The following HECW1 variants were observed in gnomAD, a reference collection of about 807,000 sequenced individuals.
The protein encoded by HECW1 is HECT, C2 and WW domain containing E3 ubiquitin protein ligase 1.
A neutral mutation model predicts 182.3 loss-of-function variants in HECW1; 61 were observed. The ratio of observed to expected loss-of-function variants is 0.33; its 90% CI spans 0.27 to 0.41. The LOEUF (loss-of-function observed/expected upper bound fraction) is 0.41, where lower values mean the gene tolerates loss of function less well. Ranked by LOEUF, HECW1 falls within the 10% of genes least tolerant of loss-of-function variation. The pLI, the probability that HECW1 is intolerant of heterozygous loss-of-function variation, is 1.00. For missense variants in HECW1, 1,739 were observed against 2,108.9 expected (o/e 0.82, Z 3.44); for synonymous variants, 859 against 832.6 (o/e 1.03, Z -0.55).
At chr7:43,226,114 A>AT (rs1451976335) in intron 2 of HECW1, among the ~76,000 whole-genome samples, 2 of 152,146 alleles carry the variant, frequency 1.3e-5, no homozygotes, top group Non-Finnish European at 2.9e-5. Context: ...TTATTTTTAG[A>AT]TGCCTACATG....
chr7:43,225,089 G>T (rs1327602595), intron 2 of HECW1, among the ~76,000 whole-genome samples: 6 of 152,300 alleles, frequency 3.9e-5, no homozygotes, highest in Non-Finnish European at 8.8e-5. Context: ...GATGACAGGT[G>T]ACACATTGGA....
chr7:43,484,609 A>G (rs560737043), intron 17 of HECW1: 8 of 152,330 alleles, frequency 5.3e-5, no homozygotes, highest in Admixed American at 2.6e-4. Flanking sequence ...ATGGGTTTCT[A>G]TATTAAGGAT....
At chr7:43,145,335 G>T (rs1788589004) in intron 2 of HECW1, among the ~76,000 whole-genome samples, 1 of 152,102 alleles carries the variant, frequency 6.6e-6, no homozygotes, top group African/African-American at 2.4e-5. Context: ...TCGCTGTCTT[G>T]CCCAGGCTGG....
intron 21 of HECW1, among the ~76,000 whole-genome samples, chr7:43,505,631 C>T (rs773754125): frequency 1.1e-4 from 16 of 152,300 alleles, no homozygotes; most frequent in East Asian, 3.9e-4. Flanking sequence ...CTTTCCATTC[C>T]GCCACAGGAC....
rs539467866 is a variant in HECW1 at position 43,454,479 on chromosome 7, C to T, written c.2501-1818C>T. On this transcript the variant is annotated intron_variant, in intron 12 of 29. Coordinates refer to ENST00000395891, the MANE Select transcript of HECW1 (RefSeq NM_015052.5). ...TACAATTTCATCCATGAGCTAATTA[C>T]CATTTACACTTAACACTTGACAGCT... 7.2e-5 allele frequency among the ~76,000 whole-genome samples: 11 copies of T among 152,260 alleles called. No homozygotes were observed. The South Asian group carries it at 2.3e-3, about 32-fold the overall frequency.
intron 5 of HECW1, among the ~76,000 whole-genome samples, chr7:43,351,678 C>CTTTTTTTTTTTTTTTTTTT (rs200929407): frequency 4.1e-5 from 5 of 120,562 alleles, no homozygotes; most frequent in African/African-American, 6.2e-5. Flanking sequence ...TTTCTTTCTT[C>CTTTTTTTTTTTTTTTTTTT]TTTTTTTTTT....
At chr7:43,373,297 C>T (rs2074191287) in intron 6 of HECW1, among the ~76,000 whole-genome samples, 1 of 150,744 alleles carries the variant, frequency 6.6e-6, no homozygotes, top group African/African-American at 2.4e-5. Flanking sequence ...GCAACCTCTG[C>T]CTCTTAGATT....
At chr7:43,340,475 C>G (rs1286130010) in intron 5 of HECW1, among the ~76,000 whole-genome samples, 1 of 151,328 alleles carries the variant, frequency 6.6e-6, no homozygotes, top group Non-Finnish European at 1.5e-5. Flanking sequence ...CCCACCTCAG[C>G]CTTCCAAAGT....
intron 3 of HECW1, among the ~76,000 whole-genome samples, chr7:43,293,984 T>C (rs1416490824): frequency 1.3e-5 from 2 of 152,116 alleles, no homozygotes; most frequent in South Asian, 2.1e-4. Context: ...TATGAGAACA[T>C]AAGTAATGCC....
At chr7:43,383,987 T>A (rs2074668736) in intron 6 of HECW1, among the ~76,000 whole-genome samples, 1 of 152,244 alleles carries the variant, frequency 6.6e-6, no homozygotes, top group African/African-American at 2.4e-5. Context: ...TTCATCCTTG[T>A]CATTACATTG....
At chr7:43,341,177 G>T (rs1296209234) in intron 5 of HECW1, among the ~76,000 whole-genome samples, 3 of 151,538 alleles carry the variant, frequency 2.0e-5, no homozygotes, top group African/African-American at 7.3e-5. Context: ...GGGGGCAGGG[G>T]GAGGGATAGC....
chr7:43,540,374 C>T (rs2081321552), intron 24 of HECW1, among the ~76,000 whole-genome samples: 1 of 152,184 alleles, frequency 6.6e-6, no homozygotes, highest in South Asian at 2.1e-4. Flanking sequence ...GTGGGGAAAG[C>T]ATAGGATGCT....
intron 2 of HECW1, among the ~76,000 whole-genome samples, chr7:43,139,920 GT>G (rs778754553): frequency 6.6e-6 from 1 of 152,178 alleles, no homozygotes; most frequent in Non-Finnish European, 1.5e-5. Flanking sequence ...TCAGTTTTCT[GT>G]TCTGTGAAAT....
At chr7:43,242,927 C>T (rs1476476648) in intron 2 of HECW1, among the ~76,000 whole-genome samples, 1 of 152,084 alleles carries the variant, frequency 6.6e-6, no homozygotes, top group East Asian at 1.9e-4. Context: ...ATGTTGAATT[C>T]TCTCCGTCTT....
intron 3 of HECW1, among the ~76,000 whole-genome samples, chr7:43,279,592 G>C (rs1803634128): frequency 6.6e-6 from 1 of 152,018 alleles, no homozygotes; most frequent in East Asian, 1.9e-4. Flanking sequence ...CTTTGCACAG[G>C]CTATGCGTCT....
chr7:43,483,837 C>G (rs1338155843), intron 17 of HECW1, among the ~76,000 whole-genome samples: 1 of 152,086 alleles, frequency 6.6e-6, no homozygotes, highest in Non-Finnish European at 1.5e-5. Flanking sequence ...ACGTGAGCCA[C>G]CACGCCCAGC....
chr7:43,447,294 T>G (rs1383176340), intron 11 of HECW1, among the ~76,000 whole-genome samples: 1 of 152,216 alleles, frequency 6.6e-6, no homozygotes, highest in Non-Finnish European at 1.5e-5. Context: ...AATTGAAACT[T>G]GGCTCAATGT....
At chr7:43,190,204 C>T (rs1793782494) in intron 2 of HECW1, among the ~76,000 whole-genome samples, 1 of 152,160 alleles carries the variant, frequency 6.6e-6, no homozygotes, top group Non-Finnish European at 1.5e-5. Context: ...ACCTCCACCT[C>T]CTGGGTTCAA....
chr7:43,366,795 A>G (rs1260122796), intron 6 of HECW1, among the ~76,000 whole-genome samples: 1 of 152,120 alleles, frequency 6.6e-6, no homozygotes, highest in Non-Finnish European at 1.5e-5. Context: ...AATGTGTCAA[A>G]AAGGAGTATC....
Sources: gnomAD v4.1 joint callset for allele counts (sites outside exome capture counted in the v4.1 genomes callset) on GRCh38, gnomAD v4.1.1 for gene constraint, MANE v1.5 for transcripts, NCBI Gene and HGNC (gene_info 2026-07-23, HGNC 2026-07-21) for gene names.